The following STS variants were observed in gnomAD, a reference collection of about 807,000 sequenced individuals.
The protein encoded by STS is steroid sulfatase, also known as steryl-sulfatase.
STS carries 7 observed loss-of-function variants against 26.8 expected under a neutral mutation model. The observed-to-expected ratio is 0.26, with a 90% CI of 0.15 to 0.49. The LOEUF is 0.49. STS is among the 20% of genes least tolerant of loss of function. STS has a pLI of 0.98. For missense variants in STS, 434 were observed against 465.6 expected (o/e 0.93, Z 0.63); for synonymous variants, 199 against 189.4 (o/e 1.05, Z -0.42).
intron 6 of STS, among the ~76,000 whole-genome samples, chrX:7,274,228 T>C (rs1425482768): frequency 1.8e-5 from 2 of 111,279 alleles, no homozygotes; most frequent in Non-Finnish European, 3.8e-5. Context: ...TTCACAGAAG[T>C]AGTTAAAGGA....
At chrX:7,246,598 G>T (rs892031103) in intron 2 of STS, among the ~76,000 whole-genome samples, 1 of 111,592 alleles carries the variant, frequency 9.0e-6, no homozygotes, top group South Asian at 3.8e-4. Flanking sequence ...GAGCCACCGC[G>T]CCCGGCCCTG....
In STS at chrX:7,222,392, G is replaced by A. The variant is rs751833670; in HGVS notation, c.-4-30804G>A. On this transcript the variant is annotated intron_variant, in intron 2 of 10. Coordinates refer to ENST00000674429, the MANE Select transcript of STS (RefSeq NM_001320752.2). ...GTCTGCAAGTAACAATAAGCTTGAA[G>A]CCTAAGCAAACTTAACATATGAAAA... is the stretch of plus-strand genomic sequence containing the variant. 2.7e-5 allele frequency among the ~76,000 whole-genome samples: 3 copies of A among 110,339 alleles called. No homozygotes were observed. The East Asian group carries it at 8.6e-4, about 32-fold the overall frequency.
intron 2 of STS, among the ~76,000 whole-genome samples, chrX:7,223,507 C>A (rs1242166465): frequency 8.9e-6 from 1 of 111,865 alleles, no homozygotes; most frequent in African/African-American, 3.2e-5. Context: ...TGGTCTTGCA[C>A]ATTTTTGTTT....
chrX:7,305,321 G>A lies in STS; in HGVS notation c.1081+138G>A, dbSNP rs1316611364. 1.3e-5 allele frequency: 10 copies of A among 773,479 alleles called. No individual in the cohort carries two copies. The African/African-American group carries it at 1.7e-4, about 13-fold the overall frequency. 63.7% of individuals were successfully genotyped at this position (773,479 alleles called of 1,213,427 possible). On this transcript the variant is annotated intron_variant, in intron 8 of 10. Transcript: ENST00000674429. ...CTTCCTTGTGTCATGGAGACAGTCA[G>A]AAGGCCAAAGTGACCATTTCTGTTC...
At chrX:7,189,816 CT>C (rs1457643774) in intron 1 of STS, among the ~76,000 whole-genome samples, 1 of 111,207 alleles carries the variant, frequency 9.0e-6, no homozygotes, top group Non-Finnish European at 1.9e-5. Context: ...TAATTGCTAT[CT>C]GGGGGAAAAG....
At chrX:7,192,525 C>T (rs1231742042) in intron 2 of STS, among the ~76,000 whole-genome samples, 2 of 106,857 alleles carry the variant, frequency 1.9e-5, no homozygotes, top group Non-Finnish European at 3.8e-5. Context: ...GATTGTGCCA[C>T]TGCACTCCAG....
Position 7,184,226 on chromosome X carries a change from G to A in STS, c.-133-6654G>A, listed in dbSNP as rs945816061. ...TATTGGGTCAACATTATTATGTTTA[G>A]CTGATTTAGGGAATTAGCTTCATCA... On this transcript the variant is annotated intron_variant, in intron 1 of 10. Coordinates refer to ENST00000674429, the MANE Select transcript of STS (RefSeq NM_001320752.2). Among the ~76,000 whole-genome samples the A allele has an allele frequency of 7.2e-5, 8 of 111,826 alleles. No individual in the cohort carries two copies. The East Asian group carries it at 2.3e-3, about 32-fold the overall frequency.
chrX:7,240,389 A>G (rs971728540), intron 2 of STS, among the ~76,000 whole-genome samples: 71 of 105,055 alleles, frequency 6.8e-4, no homozygotes, highest in African/African-American at 2.3e-3. Context: ...TTTCAATAAA[A>G]TGGTCTGCAC....
intron 1 of STS, among the ~76,000 whole-genome samples, chrX:7,189,406 A>T (rs1470989995): frequency 6.3e-5 from 7 of 111,731 alleles, no homozygotes; most frequent in African/African-American, 2.3e-4. Context: ...GTAAATAAAT[A>T]TTTCCAGCTT....
chrX:7,313,886 A>G (rs1313034974), intron 8 of STS, among the ~76,000 whole-genome samples: 1 of 112,036 alleles, frequency 8.9e-6, no homozygotes, highest in African/African-American at 3.2e-5. Flanking sequence ...GGGAACTGTT[A>G]AAGAATGGTA....
At chrX:7,280,961 T>C (rs1239510730) in intron 7 of STS, among the ~76,000 whole-genome samples, 2 of 112,327 alleles carry the variant, frequency 1.8e-5, no homozygotes, top group African/African-American at 6.5e-5. Flanking sequence ...AGGTTATCAG[T>C]TCAAGACCAG....
intron 8 of STS, among the ~76,000 whole-genome samples, chrX:7,321,139 G>C (rs1191494904): frequency 9.0e-6 from 1 of 111,613 alleles, no homozygotes; most frequent in Non-Finnish European, 1.9e-5. Flanking sequence ...AGATGGAGCT[G>C]GAGGCCACTA....
At chrX:7,324,942 G>A (rs1326060567) in intron 8 of STS, among the ~76,000 whole-genome samples, 1 of 111,309 alleles carries the variant, frequency 9.0e-6, no homozygotes. Context: ...CAGGCTCCAG[G>A]CTCCAGGAAT....
chrX:7,240,920 A>G (rs951707813), intron 2 of STS, among the ~76,000 whole-genome samples: 23 of 111,049 alleles, frequency 2.1e-4, no homozygotes, highest in African/African-American at 7.5e-4. Context: ...CATGCCTGTC[A>G]TCCCTAGTGT....
At chrX:7,247,708 G>A (rs1279569337) in intron 2 of STS, among the ~76,000 whole-genome samples, 1 of 111,689 alleles carries the variant, frequency 9.0e-6, no homozygotes, top group Non-Finnish European at 1.9e-5. Flanking sequence ...GTAGAGTCTG[G>A]AGACATCTTT....
chrX:7,306,450 G>A (rs758444232), intron 8 of STS, among the ~76,000 whole-genome samples: 15 of 111,657 alleles, frequency 1.3e-4, no homozygotes, highest in Non-Finnish European at 2.4e-4. Context: ...ATGATATAGG[G>A]AATGCTTTTA....
chrX:7,231,136 T>C lies in STS; in HGVS notation c.-4-22060T>C, dbSNP rs758445347. Reference sequence around the variant, plus strand: ...TTCCATTCATATGAAATGTCCAGAATAGGCAGATCCGTAGAGAGAAAGCTA... The same window carrying C: ...TTCCATTCATATGAAATGTCCAGAACAGGCAGATCCGTAGAGAGAAAGCTA... On this transcript the variant is annotated intron_variant, in intron 2 of 10. Transcript: ENST00000674429. 3.6e-5 allele frequency among the ~76,000 whole-genome samples: 4 copies of C among 111,653 alleles called. No individual in the cohort carries two copies. In the East Asian group the frequency reaches 8.5e-4, roughly 24 times the overall value.
chrX:7,325,262 C>G, intron 8 of STS, 77 bp from the exon 9 acceptor site: 1 of 1,086,498 alleles, frequency 9.2e-7, no homozygotes, highest in Admixed American at 2.4e-5. Flanking sequence ...ACATTGAGCA[C>G]GAAAGAGTCC....
intron 7 of STS, among the ~76,000 whole-genome samples, chrX:7,276,449 T>C (rs770382869): frequency 7.2e-5 from 8 of 110,900 alleles, no homozygotes; most frequent in Non-Finnish European, 1.1e-4. Flanking sequence ...CCAGCCTGGG[T>C]GAGACTGAGA....
Sources: gnomAD v4.1 joint callset for allele counts (sites outside exome capture counted in the v4.1 genomes callset) on GRCh38, gnomAD v4.1.1 for gene constraint, MANE v1.5 for transcripts, NCBI Gene and HGNC (gene_info 2026-07-23, HGNC 2026-07-21) for gene names.